CARD19: variants seen among roughly 807,000 people sequenced by gnomAD.
CARD19 encodes the protein caspase recruitment domain family member 19, also known as caspase recruitment domain-containing protein 19.
In CARD19, 25 loss-of-function variants were observed where a neutral mutation model predicts 24.1. The ratio of observed to expected loss-of-function variants is 1.04; its 90% CI spans 0.76 to 1.45. The LOEUF is 1.45. Ranked by LOEUF, CARD19 falls within the 40% of genes most tolerant of loss-of-function variation. The probability of loss-of-function intolerance (pLI) is 0.00; values close to 1 mark genes in which losing one functional copy is unlikely to be tolerated. For synonymous variants in CARD19, 103 were observed against 104.9 expected, an observed-to-expected ratio of 0.98 and a Z score of 0.11; for missense variants, 241 against 247.4, an observed-to-expected ratio of 0.97 and a Z score of 0.17.
intron 2 of CARD19, among the ~76,000 whole-genome samples, chr9:93,108,662 C>T (rs1321312417): frequency 6.6e-6 from 1 of 152,248 alleles, no homozygotes; most frequent in Non-Finnish European, 1.5e-5. Flanking sequence ...GAGGCAGCCA[C>T]TTGCCCAGGG....
rs372337380 is a variant in CARD19 at position 93,113,047 on chromosome 9, C to T, written c.492C>T (p.Ile164=). ...RRVLGFSPVI[I]DRHVSRYLLA... is the part of the protein sequence containing the mutation. ...TCCTCGGTTTCTCGCCTGTCATCAT[C>T]GACAGACATGTCAGCCGCTACCTGC... Residue 164 remains isoleucine (I), a synonymous_variant, in exon 6 of 6, where the codon ATC becomes ATT. Transcript: ENST00000375464. 4.7e-5 allele frequency: 75 copies of T among 1,607,678 alleles called. 1 individual carries two copies. The highest frequency in any genetic ancestry group is 5.9e-5 in the Non-Finnish European group (70 of 1,176,934).
intron 1 of CARD19, among the ~76,000 whole-genome samples, chr9:93,101,875 TTA>T (rs1827096167): frequency 6.6e-6 from 1 of 152,228 alleles, no homozygotes; most frequent in Admixed American, 6.5e-5. Flanking sequence ...ATTTGTTATA[TTA>T]ATATATAGCT....
At chr9:93,108,109 T>C (rs1187551212) in intron 2 of CARD19, among the ~76,000 whole-genome samples, 1 of 151,912 alleles carries the variant, frequency 6.6e-6, no homozygotes, top group African/African-American at 2.4e-5. Context: ...TTACAGGAGA[T>C]AACATGTGAC....
intron 1 of CARD19, among the ~76,000 whole-genome samples, chr9:93,102,478 A>G (rs1416274405): frequency 6.6e-6 from 1 of 151,752 alleles, no homozygotes; most frequent in Non-Finnish European, 1.5e-5. Flanking sequence ...CTGTTTTTTC[A>G]CTTTCTTTTT....
In CARD19 at chr9:93,110,852, C is replaced by T. The variant is rs1043118358; in HGVS notation, c.304+131C>T. The T allele has an allele frequency of 4.2e-5, 65 of 1,534,184 alleles. 1 individual carries two copies. The African/African-American group carries it at 5.2e-4, about 12-fold the overall frequency. On this transcript the variant is annotated intron_variant, in intron 3 of 5. Transcript: ENST00000375464. ...GCAGCCCAGGCCTGGCATCCCCTCT[C>T]GCCTCAGCCCCTCCCCAGAGGCCAC...
At chr9:93,111,795 G>T in intron 3 of CARD19, 84 bp from the exon 4 acceptor site, 1 of 1,563,382 alleles carries the variant, frequency 6.4e-7, no homozygotes, top group East Asian at 2.3e-5. Context: ...GGAGGCAGCA[G>T]CAACCTTGGG....
In CARD19 at chr9:93,107,632, C is replaced by G. The variant is rs772625964; in HGVS notation, c.8-42C>G. 3.7e-6 allele frequency: 6 copies of G among 1,611,574 alleles called. No individual in the cohort carries two copies. The African/African-American group carries it at 8.0e-5, about 22-fold the overall frequency. The stretch of plus-strand genomic sequence containing the variant: ...GTACGAGGCTGTCGTCTCTGGTCCC[C>G]TTGGGCTGTGCTGGCTCATGACCCT... On this transcript the variant is annotated intron_variant, in intron 1 of 5. Transcript: ENST00000375464.
chr9:93,098,870 C>T (rs2119059741), intron 1 of CARD19, among the ~76,000 whole-genome samples: 1 of 150,572 alleles, frequency 6.6e-6, no homozygotes, highest in South Asian at 2.1e-4. Flanking sequence ...AGCCCTTGCC[C>T]CTGGGTCTTG....
At chr9:93,107,889 T>C in intron 2 of CARD19, 73 bp downstream of exon 2, 1 of 1,575,136 alleles carries the variant, frequency 6.3e-7, no homozygotes, top group Non-Finnish European at 8.7e-7. Flanking sequence ...GAGAAGCTGG[T>C]GACCAGCCCT....
In CARD19 at chr9:93,096,409, G is replaced by C; in HGVS notation, c.7+57G>C. The C allele has an allele frequency of 6.6e-6, 8 of 1,219,944 alleles. No homozygotes were observed. The highest frequency in any genetic ancestry group is 8.2e-6 in the Non-Finnish European group (8 of 979,136). The allele number at this position is 1,219,944 out of a possible 1,614,324, so 75.6% of individuals were successfully genotyped here. On this transcript the variant is annotated intron_variant, in intron 1 of 5. Transcript: ENST00000375464. The surrounding 1 kb of genome is among the most constrained non-coding windows in gnomAD (Gnocchi z 5.4). ...GCGGGCGCCCTGGATGGGTGGCCCG[G>C]CCCGGGGGTCCGGCTGCCTTGCGAG...
chr9:93,112,676 C>T (rs913759853), intron 5 of CARD19, among the ~76,000 whole-genome samples: 1 of 152,192 alleles, frequency 6.6e-6, no homozygotes, highest in Non-Finnish European at 1.5e-5. Flanking sequence ...TCCAGGGCCC[C>T]TCTACTGGCA....
In CARD19 at chr9:93,096,767, G is replaced by C. The variant is rs1826880414; in HGVS notation, c.7+415G>C. The stretch of plus-strand genomic sequence containing the variant: ...ACCGGAGAGAATTCACAGCGGTCCT[G>C]CTGTGATTCTGGCCACGGAAACAAC... On this transcript the variant is annotated intron_variant, in intron 1 of 5. Coordinates refer to ENST00000375464, the MANE Select transcript of CARD19 (RefSeq NM_032310.5). This position sits in a 1 kb window ranked among gnomAD's most constrained non-coding sequence, Gnocchi z 5.4. 6.6e-6 allele frequency among the ~76,000 whole-genome samples: 1 copy of C among 152,214 alleles called. No individual in the cohort carries two copies. The highest frequency in any genetic ancestry group is 2.4e-5 in the African/African-American group (1 of 41,436).
intron 2 of CARD19, chr9:93,110,240 C>T (rs1827412525): frequency 3.6e-6 from 1 of 278,546 alleles, no homozygotes; most frequent in Non-Finnish European, 6.9e-6. Context: ...CGTGATCTGC[C>T]TGCCTCAGCC....
In CARD19 at chr9:93,112,315, G is replaced by T. The variant is rs1167587370; in HGVS notation, c.436+26G>T. On this transcript the variant is annotated intron_variant, in intron 5 of 5. Transcript: ENST00000375464. ...GTGGGTGCAAGCGGATCCTCATGGG[G>T]CTGGGCCTGCCTCCCCTCTGCCACC... 8 of 1,537,746 alleles carry T rather than the reference G, an allele frequency of 5.2e-6. No individual in the cohort carries two copies. The South Asian group carries it at 8.3e-5, about 16-fold the overall frequency.
chr9:93,111,889 T>C lies in CARD19; in HGVS notation c.315T>C (p.Asp105=), dbSNP rs1047140581. The change falls in exon 4 of 6, where the codon GAT becomes GAC. Residue 105 remains aspartate (D), a synonymous_variant. Transcript: ENST00000375464. Reference sequence around the variant, plus strand: ...TGGTTTTGTTTCCAGAGAACTCAGATTGCACAGAGCTAGACTCGGGCAGCC... The same window carrying C: ...TGGTTTTGTTTCCAGAGAACTCAGACTGCACAGAGCTAGACTCGGGCAGCC... ...LPSRHALQNS[D]CTELDSGSQS... 3 of 1,611,808 alleles carry C rather than the reference T, an allele frequency of 1.9e-6. No homozygotes were observed. Among genetic ancestry groups the C allele is most frequent in the Admixed American group, 3.3e-5 (2 of 59,962 alleles).
chr9:93,107,965 G>A, intron 2 of CARD19, 149 bp downstream of exon 2: 1 of 1,066,328 alleles, frequency 9.4e-7, no homozygotes, highest in Non-Finnish European at 1.3e-6. Context: ...ATCTGGACCT[G>A]GCTACTAAGG....
intron 1 of CARD19, among the ~76,000 whole-genome samples, chr9:93,098,673 G>A (rs994960222): frequency 8.5e-5 from 13 of 152,162 alleles, no homozygotes; most frequent in African/African-American, 3.1e-4. Flanking sequence ...TGCACAACTC[G>A]CAACCACAGG....
chr9:93,104,462 A>C (rs941092628), intron 1 of CARD19, among the ~76,000 whole-genome samples: 15 of 61,870 alleles, frequency 2.4e-4, no homozygotes, highest in African/African-American at 4.7e-4. Context: ...TCTCGTCTTC[A>C]GTTTTTTTTG....
At chr9:93,105,100 A>G (rs1029560492) in intron 1 of CARD19, among the ~76,000 whole-genome samples, 3 of 151,940 alleles carry the variant, frequency 2.0e-5, no homozygotes, top group East Asian at 1.9e-4. Context: ...TGCATTTGCA[A>G]CTATAATTTT....
Sources: allele counts gnomAD v4.1 joint callset (sites outside exome capture counted in the v4.1 genomes callset), GRCh38; gene constraint gnomAD v4.1.1; non-coding constraint Gnocchi (gnomAD v3.1); transcripts MANE v1.5; gene names NCBI Gene and HGNC (gene_info 2026-07-23, HGNC 2026-07-21).